The following RORA variants were observed in gnomAD, a reference collection of about 807,000 sequenced individuals.
RORA encodes the protein RAR related orphan receptor A.
A neutral mutation model predicts 69.5 loss-of-function variants in RORA; 7 were observed. That is an observed-to-expected ratio of 0.10 (90% CI 0.06 to 0.19). The LOEUF (loss-of-function observed/expected upper bound fraction) is 0.19. Ranked by LOEUF, RORA falls within the 10% of genes least tolerant of loss-of-function variation. RORA has a pLI of 1.00. For missense variants in RORA, 457 were observed against 663.0 expected, an observed-to-expected ratio of 0.69 and a Z score of 3.41; for synonymous variants, 261 against 240.8, an observed-to-expected ratio of 1.08 and a Z score of -0.78.
At chr15:60,631,077 A>G (rs567259822) in intron 2 of RORA, among the ~76,000 whole-genome samples, 1 of 151,870 alleles carries the variant, frequency 6.6e-6, no homozygotes, top group South Asian at 2.1e-4. Context: ...TTTAGTAGAG[A>G]CGGGGTTTTA....
At chr15:61,038,145 C>G (rs957627875) in intron 1 of RORA, among the ~76,000 whole-genome samples, 3 of 151,956 alleles carry the variant, frequency 2.0e-5, no homozygotes, top group Non-Finnish European at 4.4e-5. Context: ...TTCTTTTTTC[C>G]AAAGCAAACC....
chr15:61,072,861 T>G (rs7161961), intron 1 of RORA, among the ~76,000 whole-genome samples: 2 of 152,212 alleles, frequency 1.3e-5, no homozygotes, highest in African/African-American at 2.4e-5. Context: ...GTAAAGCCCA[T>G]GTACAGTGCT....
Position 60,748,447 on chromosome 15 carries a change from G to A in RORA, c.167-69761C>T, listed in dbSNP as rs113727492. ...AATAAAGTAAGAGGTTCCTCCTCAC[G>A]TGGTTCTTATATATGTTAATGTTTC... On this transcript the variant is annotated intron_variant, in intron 1 of 10. Coordinates refer to ENST00000335670, the MANE Select transcript of RORA (RefSeq NM_134261.3). 5.3e-3 allele frequency among the ~76,000 whole-genome samples: 804 copies of A among 152,282 alleles called. 10 individuals are homozygous for A. Among genetic ancestry groups the A allele is most frequent in the African/African-American group, 0.018 (768 of 41,558 alleles).
intron 2 of RORA, among the ~76,000 whole-genome samples, chr15:60,637,464 G>C (rs757281584): frequency 1.3e-5 from 2 of 151,808 alleles, no homozygotes; most frequent in African/African-American, 2.4e-5. Flanking sequence ...ATTGAACTTT[G>C]TATTCTGTAA....
chr15:61,106,433 A>G (rs2078949365), intron 1 of RORA, among the ~76,000 whole-genome samples: 2 of 152,230 alleles, frequency 1.3e-5, no homozygotes, highest in African/African-American at 4.8e-5. Context: ...TTTACCAAAC[A>G]CAGGACAATG....
chr15:61,181,563 C>G (rs1253557082), intron 1 of RORA, among the ~76,000 whole-genome samples: 3 of 151,188 alleles, frequency 2.0e-5, no homozygotes. Flanking sequence ...GAAATTCATG[C>G]TCTGAAATTA....
chr15:60,901,170 A>T (rs1567230714), intron 1 of RORA, among the ~76,000 whole-genome samples: 1 of 149,622 alleles, frequency 6.7e-6, no homozygotes, highest in Non-Finnish European at 1.5e-5. Context: ...TTGATTCATG[A>T]TTTTTTTTTT....
At chr15:60,934,841 C>G (rs4774378) in intron 1 of RORA, among the ~76,000 whole-genome samples, 118,152 of 152,064 alleles carry the variant, frequency 0.78, 46,156 homozygotes, top group African/African-American at 0.85. Flanking sequence ...CCTCTACTTT[C>G]CCACAGAAAG....
rs542958153 is a variant in RORA at position 60,569,413 on chromosome 15, T to C, written c.197-37562A>G. On this transcript the variant is annotated intron_variant, in intron 2 of 10. Transcript: ENST00000335670. ...CACTGCACTCCAGCCTGTGAGACCC[T>C]GTCTCTTTAAAAAGAAAAAGAAAAG... is the stretch of plus-strand genomic sequence containing the variant. Among the ~76,000 whole-genome samples the C allele has an allele frequency of 1.1e-4, 16 of 152,118 alleles. No individual in the cohort carries two copies. In the East Asian group the frequency reaches 2.9e-3, roughly 27 times the overall value.
At chr15:60,734,458 A>T (rs2071472665) in intron 1 of RORA, among the ~76,000 whole-genome samples, 1 of 152,238 alleles carries the variant, frequency 6.6e-6, no homozygotes, top group Non-Finnish European at 1.5e-5. Context: ...TGATTATTTT[A>T]TATATCAGTT....
chr15:61,112,242 C>T (rs1364329145), intron 1 of RORA, among the ~76,000 whole-genome samples: 1 of 152,118 alleles, frequency 6.6e-6, no homozygotes, highest in Non-Finnish European at 1.5e-5. Flanking sequence ...TTTTAACTGC[C>T]TTTTTCTTTT....
At chr15:60,637,100 T>C (rs906992805) in intron 2 of RORA, among the ~76,000 whole-genome samples, 1 of 150,328 alleles carries the variant, frequency 6.7e-6, no homozygotes, top group Non-Finnish European at 1.5e-5. Flanking sequence ...CTACTGGAAG[T>C]AGGATTACCA....
intron 1 of RORA, among the ~76,000 whole-genome samples, chr15:61,179,984 A>C (rs57140611): frequency 4.2e-5 from 6 of 142,236 alleles, no homozygotes; most frequent in Middle Eastern, 3.7e-3. Flanking sequence ...AAAAAAAAAA[A>C]CAAAAAAAAA....
chr15:60,792,473 A>T (rs2072431662), intron 1 of RORA, among the ~76,000 whole-genome samples: 1 of 152,204 alleles, frequency 6.6e-6, no homozygotes, highest in Admixed American at 6.5e-5. Flanking sequence ...CATCCTAAGC[A>T]AGACAAATAC....
At chr15:60,813,612 T>C (rs2072772823) in intron 1 of RORA, among the ~76,000 whole-genome samples, 1 of 151,998 alleles carries the variant, frequency 6.6e-6, no homozygotes, top group Non-Finnish European at 1.5e-5. Context: ...GCCATTGAAA[T>C]CTTAGCATAC....
At chr15:60,922,443 A>T (rs1288707043) in intron 1 of RORA, among the ~76,000 whole-genome samples, 2 of 152,170 alleles carry the variant, frequency 1.3e-5, no homozygotes, top group Non-Finnish European at 2.9e-5. Context: ...ATTTCTGTTC[A>T]ATCTTTCTGT....
intron 2 of RORA, among the ~76,000 whole-genome samples, chr15:60,549,675 A>T (rs1389031807): frequency 6.6e-6 from 1 of 152,174 alleles, no homozygotes; most frequent in East Asian, 1.9e-4. Context: ...CTCATATGGT[A>T]ATCTTTTTAT....
At chr15:60,904,517 G>A (rs781410485) in intron 1 of RORA, among the ~76,000 whole-genome samples, 1 of 152,228 alleles carries the variant, frequency 6.6e-6, no homozygotes, top group Non-Finnish European at 1.5e-5. Flanking sequence ...AAGTCAGCAA[G>A]TAAATGGGGA....
intron 1 of RORA, among the ~76,000 whole-genome samples, chr15:61,188,534 G>A (rs988030399): frequency 6.6e-6 from 1 of 152,204 alleles, no homozygotes; most frequent in African/African-American, 2.4e-5. Flanking sequence ...CAACAGCACA[G>A]GCTAACCCGG....
Sources: allele counts gnomAD v4.1 joint callset (sites outside exome capture counted in the v4.1 genomes callset), GRCh38; gene constraint gnomAD v4.1.1; transcripts MANE v1.5; gene names NCBI Gene and HGNC (gene_info 2026-07-23, HGNC 2026-07-21).